Variants in GALNTL6 observed in about 807,000 individuals in gnomAD.
GALNTL6 encodes the protein polypeptide N-acetylgalactosaminyltransferase-like 6.
GALNTL6 carries 46 observed loss-of-function variants against 73.7 expected under a neutral mutation model. The ratio of observed to expected loss-of-function variants is 0.62; its 90% CI spans 0.49 to 0.80. The LOEUF is 0.80. GALNTL6 is among the 30% of genes least tolerant of loss of function. GALNTL6 has a pLI of 0.00. For synonymous variants in GALNTL6, 259 were observed against 263.7 expected (o/e 0.98, Z 0.17); for missense variants, 604 against 755.0 (o/e 0.80, Z 2.34).
intron 3 of GALNTL6, among the ~76,000 whole-genome samples, chr4:172,276,043 T>A (rs1418013123): frequency 6.6e-6 from 1 of 152,198 alleles, no homozygotes; most frequent in East Asian, 1.9e-4. Flanking sequence ...TTATAATATT[T>A]TTAAACTTCT....
chr4:172,868,043 T>C (rs547539354), intron 7 of GALNTL6, among the ~76,000 whole-genome samples: 1 of 152,172 alleles, frequency 6.6e-6, no homozygotes, highest in Non-Finnish European at 1.5e-5. Flanking sequence ...CAGAAGAGGA[T>C]CCTTTGGGCT....
intron 5 of GALNTL6, among the ~76,000 whole-genome samples, chr4:172,671,984 A>G (rs1053118213): frequency 2.0e-5 from 3 of 152,062 alleles, no homozygotes; most frequent in African/African-American, 7.2e-5. Flanking sequence ...TCCGCATCCC[A>G]GGTTCAAGTA....
intron 2 of GALNTL6, among the ~76,000 whole-genome samples, chr4:172,179,968 T>G (rs1248411629): frequency 6.6e-6 from 1 of 152,162 alleles, no homozygotes; most frequent in Non-Finnish European, 1.5e-5. Flanking sequence ...TCCAGTAATG[T>G]GATTGCTAGG....
chr4:172,909,114 G>A (rs1561027302), intron 8 of GALNTL6, among the ~76,000 whole-genome samples: 1 of 151,540 alleles, frequency 6.6e-6, no homozygotes, highest in Non-Finnish European at 1.5e-5. Flanking sequence ...AATCAAGACG[G>A]AGACAATAGT....
At chr4:172,051,606 T>G (rs912882156) in intron 2 of GALNTL6, among the ~76,000 whole-genome samples, 4 of 152,130 alleles carry the variant, frequency 2.6e-5, no homozygotes, top group Admixed American at 2.0e-4. Context: ...TCTTCTTGCC[T>G]TCTCTACCAC....
intron 2 of GALNTL6, among the ~76,000 whole-genome samples, chr4:172,007,703 A>G (rs1040879330): frequency 2.6e-5 from 4 of 152,154 alleles, no homozygotes; most frequent in African/African-American, 9.6e-5. Context: ...CATCAACCTT[A>G]TAAAAACCTC....
intron 5 of GALNTL6, among the ~76,000 whole-genome samples, chr4:172,626,821 A>G (rs1038797859): frequency 4.6e-5 from 7 of 152,080 alleles, no homozygotes; most frequent in African/African-American, 1.7e-4. Context: ...TAGAAATGGC[A>G]CTAATTTTTA....
chr4:171,860,813 T>A (rs925541618), intron 2 of GALNTL6, among the ~76,000 whole-genome samples: 1 of 152,202 alleles, frequency 6.6e-6, no homozygotes, highest in Non-Finnish European at 1.5e-5. Context: ...ATATAGTCAT[T>A]TTTGCCTTAA....
intron 2 of GALNTL6, among the ~76,000 whole-genome samples, chr4:171,883,810 G>A (rs910438051): frequency 1.7e-4 from 26 of 151,878 alleles, no homozygotes; most frequent in Non-Finnish European, 3.8e-4. Flanking sequence ...ACCACACCTG[G>A]CTAATTTTTT....
At chr4:172,011,173 A>G (rs1253749219) in intron 2 of GALNTL6, among the ~76,000 whole-genome samples, 1 of 152,124 alleles carries the variant, frequency 6.6e-6, no homozygotes, top group African/African-American at 2.4e-5. Flanking sequence ...TCATAGAGGA[A>G]CTGAGTAGTC....
chr4:171,822,545 T>C (rs1351763357), intron 2 of GALNTL6, among the ~76,000 whole-genome samples: 3 of 152,172 alleles, frequency 2.0e-5, no homozygotes, highest in Non-Finnish European at 4.4e-5. Flanking sequence ...GCTTTACAAA[T>C]AGCAATCTAT....
chr4:172,805,545 C>T, intron 5 of GALNTL6, among the ~76,000 whole-genome samples: 1 of 152,068 alleles, frequency 6.6e-6, no homozygotes, highest in Non-Finnish European at 1.5e-5. Context: ...AATTTATTCA[C>T]TGGTTGTCTG....
intron 2 of GALNTL6, among the ~76,000 whole-genome samples, chr4:172,142,685 CTTTTGAAAAAGTAAT>C (rs1298951785): frequency 6.6e-6 from 1 of 151,878 alleles, no homozygotes; most frequent in African/African-American, 2.4e-5. Context: ...ATGAGTAATA[CTTTTGAAAAAGTAAT>C]TCTGCCTGTC....
At chr4:172,579,650 A>G (rs1249560420) in intron 5 of GALNTL6, among the ~76,000 whole-genome samples, 21 of 152,218 alleles carry the variant, frequency 1.4e-4, no homozygotes, top group Admixed American at 1.4e-3. Context: ...TAATTGACTT[A>G]GAACCTGGTT....
At chr4:172,175,371 A>G (rs1047183093) in intron 2 of GALNTL6, among the ~76,000 whole-genome samples, 3 of 152,318 alleles carry the variant, frequency 2.0e-5, no homozygotes, top group African/African-American at 7.2e-5. Flanking sequence ...TGCTGTAATT[A>G]TAGGTATGAG....
chr4:172,396,519 T>A (rs17058373), intron 5 of GALNTL6, among the ~76,000 whole-genome samples: 2,430 of 152,240 alleles, frequency 0.016, 59 homozygotes, highest in African/African-American at 0.055. Flanking sequence ...GAGGGGTTTC[T>A]GAAAATAAGA....
chr4:172,160,913 C>T (rs1180029557), intron 2 of GALNTL6, among the ~76,000 whole-genome samples: 1 of 131,098 alleles, frequency 7.6e-6, no homozygotes, highest in African/African-American at 2.7e-5. Flanking sequence ...CACACACATA[C>T]ACACACACAC....
At chr4:172,211,917 C>T (rs1736335398) in intron 2 of GALNTL6, among the ~76,000 whole-genome samples, 1 of 152,158 alleles carries the variant, frequency 6.6e-6, no homozygotes, top group South Asian at 2.1e-4. Context: ...CCCCACTTCT[C>T]AATATAATCA....
chr4:172,354,998 T>C (rs1742101463), intron 5 of GALNTL6, among the ~76,000 whole-genome samples: 1 of 152,072 alleles, frequency 6.6e-6, no homozygotes. Flanking sequence ...ACTACTACAA[T>C]ACTTTATTTA....
Sources: gnomAD v4.1 joint callset for allele counts (sites outside exome capture counted in the v4.1 genomes callset) on GRCh38, gnomAD v4.1.1 for gene constraint, MANE v1.5 for transcripts, NCBI Gene and HGNC (gene_info 2026-07-23, HGNC 2026-07-21) for gene names.